ATP2C2: variants seen among roughly 807,000 people sequenced by gnomAD.
The protein encoded by ATP2C2 is calcium-transporting ATPase type 2C member 2.
In ATP2C2, 171 loss-of-function variants were observed where a neutral mutation model predicts 110.8. The ratio of observed to expected loss-of-function variants is 1.54; its 90% CI spans 1.36 to 1.75. The LOEUF (loss-of-function observed/expected upper bound fraction) is 1.75, where lower values mean the gene tolerates loss of function less well. Among genes scored for constraint, ATP2C2 ranks in the 40% most tolerant of loss-of-function variants. The probability of loss-of-function intolerance (pLI) is 0.00; values close to 1 mark genes in which losing one functional copy is unlikely to be tolerated. For missense variants in ATP2C2, 1,963 were observed against 1,235.0 expected (o/e 1.59, Z -8.84); for synonymous variants, 804 against 508.4 (o/e 1.58, Z -7.82).
At chr16:84,452,623 T>C (rs1161278413) in intron 18 of ATP2C2, among the ~76,000 whole-genome samples, 2 of 150,676 alleles carry the variant, frequency 1.3e-5, no homozygotes, top group Non-Finnish European at 2.9e-5. Flanking sequence ...CTCAGCCTCC[T>C]GAGTAGCTGG....
chr16:84,439,556 G>A (rs778383908), intron 13 of ATP2C2, 32 bp downstream of exon 13: 8 of 1,589,536 alleles, frequency 5.0e-6, no homozygotes, highest in Non-Finnish European at 6.9e-6. Flanking sequence ...AAGCCTTAAG[G>A]ATGCACCCAG....
intron 7 of ATP2C2, among the ~76,000 whole-genome samples, chr16:84,421,176 T>C (rs1263492409): frequency 6.6e-6 from 1 of 152,190 alleles, no homozygotes; most frequent in Non-Finnish European, 1.5e-5. Flanking sequence ...TTCAAAGACT[T>C]TCCTCAGCAT....
At chr16:84,376,679 G>A (rs1191393172) in intron 1 of ATP2C2, among the ~76,000 whole-genome samples, 3 of 152,144 alleles carry the variant, frequency 2.0e-5, no homozygotes, top group African/African-American at 4.8e-5. Flanking sequence ...ATCCCCCATC[G>A]GGGAGGACAG....
At chr16:84,389,986 G>C (rs566860393) in intron 1 of ATP2C2, among the ~76,000 whole-genome samples, 328 of 152,220 alleles carry the variant, frequency 2.2e-3, no homozygotes, top group African/African-American at 7.6e-3. Flanking sequence ...GTCTCCCAAA[G>C]TGCTGGGATT....
intron 10 of ATP2C2, 43 bp downstream of exon 10, chr16:84,423,306 A>C (rs1268981595): frequency 6.4e-7 from 1 of 1,568,546 alleles, no homozygotes; most frequent in Non-Finnish European, 8.8e-7. Flanking sequence ...CTGCAGATGG[A>C]GGGGAGCCAT....
rs777736760 is a variant in ATP2C2 at position 84,454,997 on chromosome 16, T to C, written c.2147+13T>C. 1.9e-6 allele frequency: 3 copies of C among 1,611,546 alleles called. No individual in the cohort carries two copies. The highest frequency in any genetic ancestry group is 2.2e-5 in the South Asian group (2 of 90,874). On this transcript the variant is annotated intron_variant, in intron 21 of 26. Transcript: ENST00000262429. Reference sequence around the variant, plus strand: ...TCTCAGCCATCATGTAAGCTGCCCTTCTGGTTGTTTTTCAGTTGCAAAAAT... The same window carrying C: ...TCTCAGCCATCATGTAAGCTGCCCTCCTGGTTGTTTTTCAGTTGCAAAAAT...
chr16:84,453,903 C>G, intron 20 of ATP2C2, among the ~76,000 whole-genome samples: 1 of 152,046 alleles, frequency 6.6e-6, no homozygotes, highest in East Asian at 1.9e-4. Context: ...TGCAGTGGCA[C>G]AATCTCGGCT....
chr16:84,448,687 G>C lies in ATP2C2; in HGVS notation c.1658G>C (p.Arg553Pro), dbSNP rs572209763. ...AAGAGGATGGGGTCGCTCGGTTTGC[G>C]GGGTCAGTGCCTGTGGTCCCGGCCC... The part of the protein sequence containing the change: ...EEKRMGSLGL[R>P]VLALASGPEL... Residue 553 changes from arginine to proline, a missense_variant and splice_region_variant, in exon 17 of 27, where the codon CGG (arginine) becomes CCG (proline). Coordinates refer to ENST00000262429, the MANE Select transcript of ATP2C2 (RefSeq NM_014861.4). 6.2e-6 allele frequency: 10 copies of C among 1,611,032 alleles called. No individual in the cohort carries two copies. In the Admixed American group the frequency reaches 6.7e-5, roughly 11 times the overall value.
At position 84,461,769 on chromosome 16, in the gene ATP2C2, TTG is replaced by T. The variant is rs1476828985; in HGVS notation, c.2541_2542del (p.Phe849ArgfsTer17). On this transcript the variant is annotated frameshift_variant, in exon 25 of 27. Transcript: ENST00000262429. LOFTEE classifies it high-confidence loss of function. ...ACCACGACGATGACGTTCACTTGTT[TTG>T]TGTTTTTCGATCTCTTCAACGCCTT... The T allele has an allele frequency of 1.8e-5, 29 of 1,614,078 alleles. No individual in the cohort carries two copies. The highest frequency in any genetic ancestry group is 2.2e-5 in the Non-Finnish European group (26 of 1,180,028).
chr16:84,458,772 T>C (rs1207306541), intron 21 of ATP2C2, among the ~76,000 whole-genome samples: 1 of 152,170 alleles, frequency 6.6e-6, no homozygotes, highest in Non-Finnish European at 1.5e-5. Flanking sequence ...CTCTCCTCTT[T>C]GGTAAATCGC....
intron 23 of ATP2C2, chr16:84,459,858 G>C (rs1911099541): frequency 7.8e-6 from 3 of 385,444 alleles, no homozygotes; most frequent in East Asian, 1.1e-4. Context: ...TTTCATCCCT[G>C]ATGTCTAGAG....
intron 11 of ATP2C2, among the ~76,000 whole-genome samples, chr16:84,432,421 G>A (rs1908361446): frequency 1.3e-5 from 2 of 151,946 alleles, no homozygotes; most frequent in Non-Finnish European, 2.9e-5. Context: ...TTGGCCTAAT[G>A]CTCTCCCCCG....
At chr16:84,400,883 T>C (rs1905276210) in intron 2 of ATP2C2, among the ~76,000 whole-genome samples, 2 of 152,242 alleles carry the variant, frequency 1.3e-5, no homozygotes, top group African/African-American at 4.8e-5. Context: ...GGAATGTCTA[T>C]CCAGATCTTT....
At chr16:84,423,709 C>T (rs1230609498) in intron 10 of ATP2C2, among the ~76,000 whole-genome samples, 1 of 152,184 alleles carries the variant, frequency 6.6e-6, no homozygotes, top group East Asian at 1.9e-4. Context: ...AGGCATAGAC[C>T]AGGAAGTGGA....
At chr16:84,449,245 A>G (rs184626649) in intron 17 of ATP2C2, among the ~76,000 whole-genome samples, 2 of 152,352 alleles carry the variant, frequency 1.3e-5, no homozygotes, top group East Asian at 3.9e-4. Context: ...TTACTGGCTC[A>G]GGAGCCTTGG....
chr16:84,402,061 C>T (rs1421633870), intron 2 of ATP2C2, among the ~76,000 whole-genome samples: 2 of 151,604 alleles, frequency 1.3e-5, no homozygotes, highest in Non-Finnish European at 2.9e-5. Flanking sequence ...TAAGTTAATT[C>T]CTAGATATTT....
In ATP2C2 at chr16:84,368,563, C is replaced by G; in HGVS notation, c.-53C>G. On this transcript the variant is annotated 5_prime_UTR_variant, in exon 1 of 27. The change creates a new upstream start codon in the 5' untranslated region. Transcript: ENST00000262429. ...AGGAGGCTTGGGCGCGCGCAGCCAT[C>G]CCGGGCCTCGCCGGGGACCTAGGGA... The G allele has an allele frequency of 7.1e-7, 1 of 1,416,912 alleles. No homozygotes were observed. The highest frequency in any genetic ancestry group is 9.6e-7 in the Non-Finnish European group (1 of 1,039,886). 87.8% of individuals were successfully genotyped at this position (1,416,912 alleles called of 1,614,324 possible).
chr16:84,409,938 G>A (rs891082522), intron 4 of ATP2C2, among the ~76,000 whole-genome samples: 21 of 152,270 alleles, frequency 1.4e-4, no homozygotes, highest in Non-Finnish European at 2.2e-4. Context: ...GGCCGGGTGC[G>A]GTGGCTCATG....
At chr16:84,448,434 CCCGTGTGTGTCTTTGTAA>C in intron 16 of ATP2C2, 81 bp from the exon 17 acceptor site, 3 of 1,401,490 alleles carry the variant, frequency 2.1e-6, no homozygotes, top group Non-Finnish European at 2.9e-6. Context: ...TGCAAAGATC[CCCGTGTGTGTCTTTGTAA>C]CCTTGTGCAG....
Sources: gnomAD v4.1 joint callset for allele counts (sites outside exome capture counted in the v4.1 genomes callset) on GRCh38, gnomAD v4.1.1 for gene constraint, MANE v1.5 for transcripts, NCBI Gene and HGNC (gene_info 2026-07-23, HGNC 2026-07-21) for gene names.